PUM2: variants seen among roughly 807,000 people sequenced by gnomAD.
PUM2 encodes pumilio RNA binding family member 2, also known as pumilio homolog 2.
Under a neutral mutation model 124.5 loss-of-function variants are expected in PUM2, and 57 were observed. The ratio of observed to expected loss-of-function variants is 0.46; its 90% CI spans 0.37 to 0.57. The LOEUF is 0.57. Among genes scored for constraint, PUM2 ranks in the 20% least tolerant of loss-of-function variants. The pLI, the probability that PUM2 is intolerant of heterozygous loss-of-function variation, is 0.00. For missense variants in PUM2, 1,065 were observed against 1,290.6 expected, an observed-to-expected ratio of 0.83 and a Z score of 2.68; for synonymous variants, 460 against 446.1, an observed-to-expected ratio of 1.03 and a Z score of -0.39.
intron 1 of PUM2, among the ~76,000 whole-genome samples, chr2:20,335,352 C>T (rs1685777243): frequency 6.6e-6 from 1 of 152,204 alleles, no homozygotes; most frequent in South Asian, 2.1e-4. Flanking sequence ...AATCTGCCAA[C>T]AAACTTTTTT....
At chr2:20,336,644 G>A (rs940507499) in intron 1 of PUM2, among the ~76,000 whole-genome samples, 4 of 151,656 alleles carry the variant, frequency 2.6e-5, no homozygotes, top group Admixed American at 2.6e-4. Flanking sequence ...CGCCTTCTGA[G>A]TAACTGGGAC....
chr2:20,283,076 T>G lies in PUM2; in HGVS notation c.1591A>C (p.Asn531His). Residue 531 changes from asparagine (N) to histidine (H), a missense_variant, in exon 12 of 21, where the codon AAT becomes CAT. Physicochemically the swap from Asn to His is moderately conservative, Grantham distance 68. Around this residue, in one of 3 missense-constraint regions of PUM2, gnomAD observed 968 missense variants for 1,159.8 expected, o/e 0.83. Coordinates refer to ENST00000361078, the MANE Select transcript of PUM2 (RefSeq NM_015317.5). ...NSFYGSSSLT[N>H]SSQSSSLFSH... ...AATAAAGAACTACTCTGGGAGCTAT[T>G]AGTCAAAGAACTGCTTCCATAAAAT... 1 of 1,614,094 alleles carries G rather than the reference T, an allele frequency of 6.2e-7. No homozygotes were observed. The highest frequency in any genetic ancestry group is 8.5e-7 in the Non-Finnish European group (1 of 1,180,010).
chr2:20,327,343 T>C lies in PUM2; in HGVS notation c.18A>G (p.Gln6=), dbSNP rs750903167. MNHDF[Q]ALALESRGMG... ...TTCCCCGAGATTCTAATGCAAGAGC[T>C]TGAAAATCATGATTCATTTCATCCA... is the stretch of plus-strand genomic sequence containing the variant. The change falls in exon 2 of 21, where the codon CAA becomes CAG. Residue 6 remains glutamine, a synonymous_variant. Transcript: ENST00000361078. The C allele has an allele frequency of 1.3e-6, 2 of 1,583,872 alleles. No individual in the cohort carries two copies. Among genetic ancestry groups the C allele is most frequent in the Non-Finnish European group, 1.7e-6 (2 of 1,154,302 alleles).
chr2:20,311,560 T>C lies in PUM2; in HGVS notation c.452A>G (p.Asp151Gly). ...TCTGCCATTTATTTTAGAATCATCA[T>C]CATCTCCTTGTTTAAGATCTCTGTT... is the stretch of plus-strand genomic sequence containing the variant. ...DQNRDLKQGD[D>G]DDSKINGRGL... is the part of the protein sequence containing the mutation. The change falls in exon 5 of 21, where the codon GAT becomes GGT. Residue 151 changes from aspartate (D) to glycine (G), a missense_variant. Around this residue, in one of 3 missense-constraint regions of PUM2, gnomAD observed 968 missense variants for 1,159.8 expected, o/e 0.83. Coordinates refer to ENST00000361078, the MANE Select transcript of PUM2 (RefSeq NM_015317.5). 6.2e-7 allele frequency: 1 copy of C among 1,613,512 alleles called. No individual in the cohort carries two copies. Among genetic ancestry groups the C allele is most frequent in the East Asian group, 2.2e-5 (1 of 44,844 alleles).
At chr2:20,347,544 T>C (rs1688485339) in intron 1 of PUM2, among the ~76,000 whole-genome samples, 2 of 152,298 alleles carry the variant, frequency 1.3e-5, no homozygotes, top group East Asian at 3.9e-4. Flanking sequence ...AGCAATTAAG[T>C]TTTAAATAAA....
intron 2 of PUM2, among the ~76,000 whole-genome samples, chr2:20,326,106 T>C (rs542549878): frequency 2.0e-5 from 3 of 152,338 alleles, no homozygotes; most frequent in Non-Finnish European, 2.9e-5. Flanking sequence ...GCATAAATAA[T>C]GCCTAACCAG....
intron 7 of PUM2, among the ~76,000 whole-genome samples, chr2:20,298,380 A>C (rs948753203): frequency 3.3e-5 from 5 of 152,338 alleles, no homozygotes; most frequent in African/African-American, 1.2e-4. Flanking sequence ...AAGAGCTTAA[A>C]GGCCAGTTAC....
intron 1 of PUM2, among the ~76,000 whole-genome samples, chr2:20,330,980 G>A (rs1287686217): frequency 6.6e-6 from 1 of 152,188 alleles, no homozygotes; most frequent in East Asian, 1.9e-4. Flanking sequence ...AGCAATACAT[G>A]TGGGATCATA....
intron 7 of PUM2, among the ~76,000 whole-genome samples, chr2:20,300,820 TCA>T (rs1429597820): frequency 6.7e-6 from 1 of 149,562 alleles, no homozygotes; most frequent in Non-Finnish European, 1.5e-5. Flanking sequence ...CGCATCTGCC[TCA>T]CAGTTTGCCC....
intron 3 of PUM2, among the ~76,000 whole-genome samples, chr2:20,312,632 G>A (rs1173263537): frequency 6.6e-6 from 1 of 152,030 alleles, no homozygotes. Context: ...TCATGAAAAT[G>A]GCCATACTAC....
intron 1 of PUM2, among the ~76,000 whole-genome samples, chr2:20,347,054 T>C (rs1367368179): frequency 2.0e-5 from 3 of 152,232 alleles, no homozygotes; most frequent in Admixed American, 2.0e-4. Flanking sequence ...CATTTTGATA[T>C]TTCCCAGTAC....
intron 5 of PUM2, 22 bp from the exon 6 acceptor site, chr2:20,308,606 G>A: frequency 6.4e-7 from 1 of 1,564,038 alleles, no homozygotes; most frequent in South Asian, 1.2e-5. Flanking sequence ...AAATAGAAAA[G>A]CATTATGAAT....
intron 1 of PUM2, among the ~76,000 whole-genome samples, chr2:20,347,620 G>C (rs1183179689): frequency 1.3e-5 from 2 of 152,196 alleles, no homozygotes; most frequent in East Asian, 1.9e-4. Flanking sequence ...GCTCCTAAAT[G>C]ATAGGGTTTG....
At chr2:20,266,989 C>T (rs557796521) in intron 13 of PUM2, among the ~76,000 whole-genome samples, 3 of 151,310 alleles carry the variant, frequency 2.0e-5, no homozygotes, top group South Asian at 4.2e-4. Flanking sequence ...GAAACATACA[C>T]TAATGTACTT....
At chr2:20,269,872 A>T (rs934905020) in intron 13 of PUM2, among the ~76,000 whole-genome samples, 10 of 152,218 alleles carry the variant, frequency 6.6e-5, no homozygotes, top group Admixed American at 5.2e-4. Flanking sequence ...CAAGGTATTT[A>T]ACAATCTTCC....
At chr2:20,274,947 G>A (rs1334106240) in intron 13 of PUM2, among the ~76,000 whole-genome samples, 4 of 2,232 alleles carry the variant, frequency 1.8e-3, no homozygotes, top group Admixed American at 3.8e-3. Flanking sequence ...CACAACAAGT[G>A]AAGTATCTCC....
chr2:20,262,703 T>G (rs1666594546), intron 14 of PUM2, among the ~76,000 whole-genome samples: 1 of 152,250 alleles, frequency 6.6e-6, no homozygotes, highest in South Asian at 2.1e-4. Flanking sequence ...TTCTAAGCTA[T>G]CTTTACAATG....
upstream of PUM2, among the ~76,000 whole-genome samples, chr2:20,351,015 C>G (rs1342565572): frequency 6.6e-6 from 1 of 151,932 alleles, no homozygotes; most frequent in South Asian, 2.1e-4. Flanking sequence ...CGTGTTTGGC[C>G]GCCTCTCCGG....
At chr2:20,257,043 CAAAAAAAAAAAAAAAA>C (rs58072146) in intron 16 of PUM2, among the ~76,000 whole-genome samples, 5 of 71,810 alleles carry the variant, frequency 7.0e-5, no homozygotes, top group African/African-American at 1.8e-4. Context: ...GATTCCGTCT[CAAAAAAAAAAAAAAAA>C]AAAAAAAAAA....
Sources: gnomAD v4.1 joint callset for allele counts (sites outside exome capture counted in the v4.1 genomes callset) on GRCh38, gnomAD v4.1.1 for gene constraint, gnomAD v4.1.1 regional missense constraint, MANE v1.5 for transcripts, NCBI Gene and HGNC (gene_info 2026-07-23, HGNC 2026-07-21) for gene names.